TRIM5: variants seen among roughly 807,000 people sequenced by gnomAD.
The protein encoded by TRIM5 is tripartite motif-containing protein 5.
TRIM5 carries 31 observed loss-of-function variants against 35.6 expected under a neutral mutation model. The ratio of observed to expected loss-of-function variants is 0.87; its 90% CI spans 0.65 to 1.18. The LOEUF (loss-of-function observed/expected upper bound fraction) is 1.18, where lower values mean the gene tolerates loss of function less well. TRIM5 is among the 50% of genes most tolerant of loss of function. The probability of loss-of-function intolerance (pLI) is 0.00; values close to 1 mark genes in which losing one functional copy is unlikely to be tolerated. For missense variants in TRIM5, 609 were observed against 591.6 expected (o/e 1.03, Z -0.31); for synonymous variants, 243 against 215.6 (o/e 1.13, Z -1.11).
chr11:5,596,835 C>G, the TRIM5 span: 10 of 1,613,298 alleles, frequency 6.2e-6, no homozygotes, highest in Admixed American at 1.5e-4. Context: ...TTGGATTGCT[C>G]TGAAGAGCTT....
chr11:5,680,960 C>T (rs778713958), intron 1 of TRIM5, among the ~76,000 whole-genome samples: 2 of 152,168 alleles, frequency 1.3e-5, no homozygotes, highest in Non-Finnish European at 2.9e-5. Flanking sequence ...ATGGAGATAA[C>T]AGCATATATC....
chr11:5,608,847 A>ATTTTTTTT, the TRIM5 span, among the ~76,000 whole-genome samples: 7,918 of 101,498 alleles, frequency 0.078, 767 homozygotes, highest in South Asian at 0.13. Flanking sequence ...TTGCCCATAA[A>ATTTTTTTT]TTTTTTTTTT....
chr11:5,631,160 G>C, the TRIM5 span, among the ~76,000 whole-genome samples: 6 of 152,210 alleles, frequency 3.9e-5, no homozygotes, highest in Non-Finnish European at 7.4e-5. Context: ...ACACACCTTT[G>C]GGTTCCTATC....
the TRIM5 span, among the ~76,000 whole-genome samples, chr11:5,601,968 G>T: frequency 1.3e-5 from 2 of 152,090 alleles, no homozygotes; most frequent in Non-Finnish European, 2.9e-5. Flanking sequence ...GGTCACAGAT[G>T]ATCACTGTAG....
the TRIM5 span, among the ~76,000 whole-genome samples, chr11:5,644,795 C>G: frequency 6.6e-6 from 1 of 152,058 alleles, no homozygotes; most frequent in Non-Finnish European, 1.5e-5. Context: ...TTTGTCCTGC[C>G]CAAATCTCAT....
the TRIM5 span, among the ~76,000 whole-genome samples, chr11:5,617,794 C>T: frequency 6.6e-6 from 1 of 151,794 alleles, no homozygotes; most frequent in Non-Finnish European, 1.5e-5. Context: ...ATGGCCTGGG[C>T]TCAATCTTTA....
chr11:5,674,966 C>T (rs1358878940), intron 4 of TRIM5, among the ~76,000 whole-genome samples: 2 of 152,088 alleles, frequency 1.3e-5, no homozygotes, highest in Non-Finnish European at 2.9e-5. Context: ...TTCAAGAGAT[C>T]TATTGCAGAA....
At chr11:5,619,552 G>A in the TRIM5 span, among the ~76,000 whole-genome samples, 2 of 151,238 alleles carry the variant, frequency 1.3e-5, no homozygotes, top group South Asian at 2.1e-4. Context: ...AGCAAGTGGG[G>A]CGGGGGCGGG....
At position 5,678,260 on chromosome 11, in the gene TRIM5, C is replaced by A. The variant is rs1253047714; in HGVS notation, c.688G>T (p.Glu230Ter). Reference sequence around the variant, plus strand: ...CGATGCTCCAGATCTGAGATGAGCTCTCTCAGGGACTGGGTCTGCTGCACC... The same window carrying A: ...CGATGCTCCAGATCTGAGATGAGCTATCTCAGGGACTGGGTCTGCTGCACC... ...EMVQQTQSLR[E>*]LISDLEHRLQ... The change falls in exon 4 of 8, where the codon GAG (glutamate) becomes TAG (stop). Residue 230 changes from glutamate to a stop codon, truncating the protein, a stop_gained. Transcript: ENST00000380034. LOFTEE classifies it high-confidence loss of function. 3.1e-6 allele frequency: 5 copies of A among 1,614,010 alleles called. No homozygotes were observed. Among genetic ancestry groups the A allele is most frequent in the Non-Finnish European group, 3.4e-6 (4 of 1,179,978 alleles).
the TRIM5 span, chr11:5,603,612 T>C: frequency 1.2e-6 from 2 of 1,613,544 alleles, no homozygotes; most frequent in Non-Finnish European, 1.7e-6. Context: ...GTGCAGACCA[T>C]GGAGAAAAAC....
At chr11:5,634,896 C>G in the TRIM5 span, 1 of 1,599,572 alleles carries the variant, frequency 6.3e-7, no homozygotes, top group African/African-American at 1.3e-5. Context: ...ATTCTGGGAA[C>G]ACAGTTCCCT....
the TRIM5 span, among the ~76,000 whole-genome samples, chr11:5,633,564 T>G: frequency 6.6e-6 from 1 of 152,212 alleles, no homozygotes; most frequent in South Asian, 2.1e-4. Flanking sequence ...GGTAAATACT[T>G]ACTCTAAGGA....
the TRIM5 span, among the ~76,000 whole-genome samples, chr11:5,595,514 A>G: frequency 3.3e-5 from 5 of 152,170 alleles, no homozygotes; most frequent in East Asian, 1.9e-4. Flanking sequence ...ATAACTTTAT[A>G]TGTTTATTTA....
chr11:5,645,024 A>C, the TRIM5 span, among the ~76,000 whole-genome samples: 1 of 152,184 alleles, frequency 6.6e-6, no homozygotes, highest in Non-Finnish European at 1.5e-5. Flanking sequence ...ATGTTAGGAT[A>C]AAAAAGTGAT....
At chr11:5,629,634 CA>C in the TRIM5 span, among the ~76,000 whole-genome samples, 1 of 152,222 alleles carries the variant, frequency 6.6e-6, no homozygotes, top group East Asian at 1.9e-4. Context: ...CTTAACTCCA[CA>C]GGGGGAATAC....
the TRIM5 span, among the ~76,000 whole-genome samples, chr11:5,607,170 C>T: frequency 6.6e-6 from 1 of 152,024 alleles, no homozygotes; most frequent in African/African-American, 2.4e-5. Flanking sequence ...CACCACTGCA[C>T]TCCAGCCTGG....
chr11:5,636,543 A>C, the TRIM5 span, among the ~76,000 whole-genome samples: 1 of 152,176 alleles, frequency 6.6e-6, no homozygotes, highest in Admixed American at 6.5e-5. Flanking sequence ...AAAAACAAAA[A>C]CAAAAAGGTT....
the TRIM5 span, chr11:5,641,084 T>C: frequency 6.7e-7 from 1 of 1,494,126 alleles, no homozygotes; most frequent in Non-Finnish European, 9.0e-7. Context: ...TTTTCCATTT[T>C]TTTTCCTACT....
the TRIM5 span, among the ~76,000 whole-genome samples, chr11:5,606,007 C>T: frequency 1.3e-5 from 2 of 152,328 alleles, no homozygotes; most frequent in African/African-American, 4.8e-5. Flanking sequence ...CAAATTTCTT[C>T]AGACATTGCC....
Sources: allele counts gnomAD v4.1 joint callset (sites outside exome capture counted in the v4.1 genomes callset), GRCh38; gene constraint gnomAD v4.1.1; transcripts MANE v1.5; gene names NCBI Gene and HGNC (gene_info 2026-07-23, HGNC 2026-07-21).